The following PHGDH variants were observed in gnomAD, a reference collection of about 807,000 sequenced individuals.
PHGDH encodes D-3-phosphoglycerate dehydrogenase.
In PHGDH, 50 loss-of-function variants were observed where a neutral mutation model predicts 52.6. That is an observed-to-expected ratio of 0.95 (90% CI 0.76 to 1.20). The LOEUF is 1.20. Ranked by LOEUF, PHGDH falls within the 50% of genes most tolerant of loss-of-function variation. PHGDH has a pLI of 0.00. For synonymous variants in PHGDH, 271 were observed against 280.5 expected (o/e 0.97, Z 0.34); for missense variants, 630 against 684.6 (o/e 0.92, Z 0.89).
intron 5 of PHGDH, among the ~76,000 whole-genome samples, chr1:119,732,342 C>G (rs1473712661): frequency 6.6e-6 from 1 of 152,218 alleles, no homozygotes; most frequent in Non-Finnish European, 1.5e-5. Context: ...GGAGTCTGCC[C>G]TGGGGCTGGG....
intron 5 of PHGDH, among the ~76,000 whole-genome samples, chr1:119,728,542 T>G (rs1309195748): frequency 6.6e-6 from 1 of 152,204 alleles, no homozygotes; most frequent in East Asian, 1.9e-4. Context: ...CTCTGCCTTT[T>G]CCTACTCTGG....
chr1:119,727,626 A>T, intron 5 of PHGDH: 1 of 165,010 alleles, frequency 6.1e-6, no homozygotes, highest in Admixed American at 5.6e-5. Context: ...TCAGGAGATC[A>T]AGACCATCCT....
At chr1:119,726,679 C>G (rs769940759) in intron 3 of PHGDH, 172 bp from the exon 4 acceptor site, 1 of 676,746 alleles carries the variant, frequency 1.5e-6, no homozygotes, top group Non-Finnish European at 2.7e-6. Flanking sequence ...AAGGGTTTCT[C>G]TCTTCTGTTT....
At chr1:119,714,861 A>G (rs987430707) in intron 1 of PHGDH, among the ~76,000 whole-genome samples, 1 of 152,280 alleles carries the variant, frequency 6.6e-6, no homozygotes, top group South Asian at 2.1e-4. Flanking sequence ...AGGCTGCAGT[A>G]AGCCATGATC....
intron 1 of PHGDH, chr1:119,713,265 G>C (rs926777753): frequency 2.6e-5 from 4 of 152,458 alleles, no homozygotes; most frequent in African/African-American, 9.7e-5. Flanking sequence ...CCTCCTCCGA[G>C]GACCCCTTAG....
At chr1:119,735,096 G>C in intron 6 of PHGDH, 199 bp from the exon 7 acceptor site, 1 of 720,692 alleles carries the variant, frequency 1.4e-6, no homozygotes, top group East Asian at 2.5e-5. Context: ...TCTAAACTGA[G>C]TCTGGCCCAG....
At chr1:119,732,223 G>A (rs1651725125) in intron 5 of PHGDH, among the ~76,000 whole-genome samples, 1 of 152,218 alleles carries the variant, frequency 6.6e-6, no homozygotes, top group African/African-American at 2.4e-5. Flanking sequence ...CCTGCAGCCA[G>A]CATACCAGCC....
intron 8 of PHGDH, among the ~76,000 whole-genome samples, chr1:119,738,295 G>A (rs1484300772): frequency 6.6e-6 from 1 of 152,162 alleles, no homozygotes; most frequent in Non-Finnish European, 1.5e-5. Flanking sequence ...TTTTGGTTCT[G>A]CCCTCCCACC....
At chr1:119,740,173 G>A in intron 8 of PHGDH, 1 of 581,836 alleles carries the variant, frequency 1.7e-6, no homozygotes. Flanking sequence ...GTGGCATTCT[G>A]TGTCCATTTC....
chr1:119,742,938 G>A lies in PHGDH; in HGVS notation c.1341G>A (p.Gly447=). ...AAGGCACTACGCCTGTACTGCAGGG[G>A]CTCAATGGAGCTGTCTTCAGGCCAG... ...LVQGTTPVLQ[G]LNGAVFRPEV... The change falls in exon 11 of 12, where the codon GGG becomes GGA. Residue 447 remains glycine, a synonymous_variant. Transcript: ENST00000641023. The A allele has an allele frequency of 6.2e-7, 1 of 1,613,976 alleles. No individual in the cohort carries two copies. The highest frequency in any genetic ancestry group is 8.5e-7 in the Non-Finnish European group (1 of 1,179,798).
intron 1 of PHGDH, among the ~76,000 whole-genome samples, chr1:119,712,868 C>T (rs1650761967): frequency 6.6e-6 from 1 of 152,198 alleles, no homozygotes. Flanking sequence ...GGGAGGCGGG[C>T]GGGGAGCGCT....
intron 6 of PHGDH, 63 bp downstream of exon 6, chr1:119,734,829 C>T (rs752634793): frequency 1.3e-6 from 2 of 1,569,846 alleles, no homozygotes; most frequent in Non-Finnish European, 8.8e-7. Flanking sequence ...CAAATGGGCC[C>T]TCCATCTGGG....
chr1:119,739,843 A>G (rs1652109042), intron 8 of PHGDH: 1 of 157,414 alleles, frequency 6.4e-6, no homozygotes, highest in Non-Finnish European at 1.4e-5. Context: ...CCTCAGTGTC[A>G]CAACATGCCT....
intron 6 of PHGDH, 42 bp from the exon 7 acceptor site, chr1:119,735,253 C>T: frequency 6.2e-7 from 1 of 1,613,482 alleles, no homozygotes. Flanking sequence ...GCGTGGGGAT[C>T]CTGGTGCTGC....
Position 119,735,440 on chromosome 1 carries a change from G to A in PHGDH, c.789G>A (p.Thr263=), listed in dbSNP as rs368452731. ...QCAGAALDVF[T]EEPPRDRALV... ...CCGGGGCTGCACTGGACGTGTTTAC[G>A]GAAGTAAGTGCCTGGCAGCCTCAGC... is the stretch of plus-strand genomic sequence containing the variant. Residue 263 remains threonine (T), a synonymous_variant, in exon 7 of 12, where the codon ACG becomes ACA. Coordinates refer to ENST00000641023, the MANE Select transcript of PHGDH (RefSeq NM_006623.4). 98 of 1,612,272 alleles carry A rather than the reference G, an allele frequency of 6.1e-5. No homozygotes were observed. Among genetic ancestry groups the A allele is most frequent in the Admixed American group, 2.5e-4 (15 of 60,006 alleles).
intron 5 of PHGDH, chr1:119,727,427 G>A (rs1651481058): frequency 2.5e-6 from 1 of 408,140 alleles, no homozygotes; most frequent in South Asian, 2.2e-5. Flanking sequence ...GAGACACGGT[G>A]CAGCATTGAG....
chr1:119,729,953 T>C (rs1651620944), intron 5 of PHGDH: 1 of 152,198 alleles, frequency 6.6e-6, no homozygotes, highest in Non-Finnish European at 1.5e-5. Context: ...ATGCTCTTTG[T>C]AAACCCCTGA....
At chr1:119,720,538 G>C (rs1027776966) in intron 1 of PHGDH, 1 of 159,432 alleles carries the variant, frequency 6.3e-6, no homozygotes, top group East Asian at 1.8e-4. Context: ...TGTTCATTAA[G>C]CGTCGCCAGA....
At chr1:119,736,667 C>G (rs1030080684) in intron 7 of PHGDH, among the ~76,000 whole-genome samples, 1 of 152,148 alleles carries the variant, frequency 6.6e-6, no homozygotes, top group Non-Finnish European at 1.5e-5. Flanking sequence ...CAAGGCACAT[C>G]GACAGCAAGT....
Sources: allele counts gnomAD v4.1 joint callset (sites outside exome capture counted in the v4.1 genomes callset), GRCh38; gene constraint gnomAD v4.1.1; transcripts MANE v1.5; gene names NCBI Gene and HGNC (gene_info 2026-07-23, HGNC 2026-07-21).